Variants in DENND2B observed in about 807,000 individuals in gnomAD.
DENND2B encodes DENN domain-containing protein 2B.
In DENND2B, 32 loss-of-function variants were observed where a neutral mutation model predicts 116.0. The observed-to-expected ratio is 0.28, with a 90% CI of 0.21 to 0.37. DENND2B has a LOEUF of 0.37. Ranked by LOEUF, DENND2B falls within the 10% of genes least tolerant of loss-of-function variation. The probability of loss-of-function intolerance (pLI) is 1.00; values close to 1 mark genes in which losing one functional copy is unlikely to be tolerated. For missense variants in DENND2B, 1,276 were observed against 1,477.7 expected, an observed-to-expected ratio of 0.86 and a Z score of 2.24; for synonymous variants, 588 against 583.9, an observed-to-expected ratio of 1.01 and a Z score of -0.10.
At chr11:8,860,278 C>T (rs1162941295) in intron 2 of DENND2B, among the ~76,000 whole-genome samples, 1 of 152,072 alleles carries the variant, frequency 6.6e-6, no homozygotes. Context: ...TATGATTGTA[C>T]ACTTAGAAAA....
chr11:8,886,508 A>G (rs910865668), intron 1 of DENND2B, among the ~76,000 whole-genome samples: 2 of 152,012 alleles, frequency 1.3e-5, no homozygotes, highest in African/African-American at 2.4e-5. Context: ...CCAAGGCTAC[A>G]TGTCAACTGC....
intron 2 of DENND2B, among the ~76,000 whole-genome samples, chr11:8,867,284 G>C (rs2063615182): frequency 6.6e-6 from 1 of 152,182 alleles, no homozygotes; most frequent in Non-Finnish European, 1.5e-5. Flanking sequence ...CAAAGGGCCT[G>C]GCTATAAATG....
At chr11:8,808,649 G>C (rs140899386) in intron 1 of DENND2B, 6 of 152,338 alleles carry the variant, frequency 3.9e-5, no homozygotes, top group Non-Finnish European at 8.8e-5. Context: ...TTTCCAGAGA[G>C]AGTTGGGTCA....
chr11:8,858,386 T>G (rs1256286887), intron 2 of DENND2B, among the ~76,000 whole-genome samples: 1 of 151,844 alleles, frequency 6.6e-6, no homozygotes, highest in African/African-American at 2.4e-5. Flanking sequence ...AAGGAGGGGA[T>G]TAAAGAGTGA....
chr11:8,771,445 C>T (rs2056832599), intron 1 of DENND2B, among the ~76,000 whole-genome samples: 1 of 149,520 alleles, frequency 6.7e-6, no homozygotes, highest in Non-Finnish European at 1.5e-5. Flanking sequence ...ATAAATATAT[C>T]TATGTATTCC....
Position 8,758,273 on chromosome 11 carries a change from C to T in DENND2B, c.-25-7548G>A, listed in dbSNP as rs532555821. ...TAAAAGATGGCACTCAGCCCCTCTT[C>T]CTCCTACCCCCATCCCATTAGCTTC... On this transcript the variant is annotated intron_variant, in intron 1 of 19. Transcript: ENST00000313726. 2.6e-5 allele frequency among the ~76,000 whole-genome samples: 4 copies of T among 152,284 alleles called. No homozygotes were observed. The East Asian group carries it at 7.7e-4, about 29-fold the overall frequency.
At chr11:8,716,835 A>T (rs144342326) in intron 5 of DENND2B, among the ~76,000 whole-genome samples, 1,611 of 152,134 alleles carry the variant, frequency 0.011, 23 homozygotes, top group African/African-American at 0.037. Flanking sequence ...TTTAGTAGAG[A>T]TGAGGTTTCA....
upstream of DENND2B, among the ~76,000 whole-genome samples, chr11:8,873,441 T>G (rs1371829115): frequency 6.6e-6 from 1 of 152,236 alleles, no homozygotes; most frequent in East Asian, 1.9e-4. Context: ...GAAAGAAAAG[T>G]TAACATCCCT....
rs1174549299 is a variant in DENND2B, at chr11:8,707,878, G to A, written c.2353-24C>T. 3 of 1,597,394 alleles carry A rather than the reference G, an allele frequency of 1.9e-6. No individual in the cohort carries two copies. The highest frequency in any genetic ancestry group is 1.3e-5 in the African/African-American group (1 of 74,824). ...GGCTGGGCCAGGACAAGGAGGAGGA[G>A]GAGAGAGACAGACACAGAGAATGCA... On this transcript the variant is annotated intron_variant, in intron 11 of 19. Coordinates refer to ENST00000313726, the MANE Select transcript of DENND2B (RefSeq NM_213618.2). This position sits in a 1 kb window ranked among gnomAD's most constrained non-coding sequence, Gnocchi z 4.8.
At chr11:8,766,268 G>C (rs2055761996) in intron 1 of DENND2B, among the ~76,000 whole-genome samples, 1 of 152,104 alleles carries the variant, frequency 6.6e-6, no homozygotes, top group South Asian at 2.1e-4. Context: ...GCACACTCAG[G>C]CTTCCCAGAG....
In DENND2B at chr11:8,699,242, G is replaced by C; in HGVS notation, c.2869C>G (p.Pro957Ala). Reference sequence around the variant, plus strand: ...TCCACAGGCAGCTCCTTCAGTTTGGGGAGGGAGCTGGAGAGCAGGCCAACC... The same window carrying C: ...TCCACAGGCAGCTCCTTCAGTTTGGCGAGGGAGCTGGAGAGCAGGCCAACC... ...FLVGLLSSSL[P>A]KLKELPVEEA... Residue 957 changes from proline (P) to alanine (A), a missense_variant, in exon 15 of 20, where the codon CCC becomes GCC. By Grantham distance (27) the Pro-to-Ala change is conservative (BLOSUM62 -1). This residue lies in a region of DENND2B where 420 missense variants were observed against 631.1 expected (regional missense o/e 0.67). Coordinates refer to ENST00000313726, the MANE Select transcript of DENND2B (RefSeq NM_213618.2). 1 of 1,580,210 alleles carries C rather than the reference G, an allele frequency of 6.3e-7. No homozygotes were observed. Among genetic ancestry groups the C allele is most frequent in the Middle Eastern group, 1.9e-4 (1 of 5,400 alleles).
At chr11:8,704,281 C>T (rs1477726998) in intron 13 of DENND2B, among the ~76,000 whole-genome samples, 1 of 152,150 alleles carries the variant, frequency 6.6e-6, no homozygotes, top group African/African-American at 2.4e-5. Context: ...GGGGAGAGGT[C>T]AGGGAAGCCT....
At position 8,712,821 on chromosome 11, in the gene DENND2B, G is replaced by T; in HGVS notation, c.1988-86C>A. ...CCCTGGCTCAGGGCTCCATTGCTGT[G>T]GAGCACTTTTAAGTACGTGAGCCTA... On this transcript the variant is annotated intron_variant, in intron 8 of 19. Coordinates refer to ENST00000313726, the MANE Select transcript of DENND2B (RefSeq NM_213618.2). This position sits in a 1 kb window ranked among gnomAD's most constrained non-coding sequence, Gnocchi z 4.4. 7.1e-7 allele frequency: 1 copy of T among 1,412,560 alleles called. No homozygotes were observed. The highest frequency in any genetic ancestry group is 9.5e-7 in the Non-Finnish European group (1 of 1,056,072). 87.5% of individuals were successfully genotyped at this position (1,412,560 alleles called of 1,614,324 possible).
At chr11:8,827,815 G>A (rs577732870) in intron 4 of DENND2B, among the ~76,000 whole-genome samples, 9 of 152,352 alleles carry the variant, frequency 5.9e-5, no homozygotes, top group African/African-American at 1.7e-4. Context: ...ACAGCTCAAC[G>A]ACATCTGACT....
chr11:8,802,256 G>A (rs571538167), intron 1 of DENND2B, among the ~76,000 whole-genome samples: 11 of 151,100 alleles, frequency 7.3e-5, no homozygotes, highest in African/African-American at 2.4e-4. Flanking sequence ...AGCCGAGATC[G>A]TGCCACTGCA....
intron 1 of DENND2B, among the ~76,000 whole-genome samples, chr11:8,772,722 C>T (rs1441243988): frequency 1.3e-5 from 2 of 152,042 alleles, no homozygotes; most frequent in African/African-American, 4.8e-5. Flanking sequence ...CCAGGGGACA[C>T]CTGGGCGGCT....
intron 9 of DENND2B, chr11:8,711,795 A>T (rs2133800555): frequency 3.5e-6 from 1 of 289,504 alleles, no homozygotes. Flanking sequence ...TGAACCCAGG[A>T]GGCGGAGGTT....
At chr11:8,784,121 C>G (rs966607994) in intron 1 of DENND2B, 2 of 151,976 alleles carry the variant, frequency 1.3e-5, no homozygotes, top group African/African-American at 4.8e-5. Flanking sequence ...AAGATCAGCC[C>G]CAGAGGAGGA....
chr11:8,708,846 G>C (rs970787510), intron 11 of DENND2B, among the ~76,000 whole-genome samples: 9 of 152,084 alleles, frequency 5.9e-5, no homozygotes, highest in African/African-American at 2.2e-4. Flanking sequence ...AGCTACTTAG[G>C]AGGCTAAGGC....
Sources: allele counts gnomAD v4.1 joint callset (sites outside exome capture counted in the v4.1 genomes callset), GRCh38; gene constraint gnomAD v4.1.1; regional missense constraint gnomAD v4.1.1; non-coding constraint Gnocchi (gnomAD v3.1); transcripts MANE v1.5; gene names NCBI Gene and HGNC (gene_info 2026-07-23, HGNC 2026-07-21).